The following ARHGEF10 variants were observed in gnomAD, a reference collection of about 807,000 sequenced individuals.
The protein encoded by ARHGEF10 is Rho guanine nucleotide exchange factor 10.
In ARHGEF10, 140 loss-of-function variants were observed where a neutral mutation model predicts 147.4. The observed-to-expected ratio is 0.95, with a 90% CI of 0.83 to 1.09. The LOEUF is 1.09. ARHGEF10 is among the 50% of genes least tolerant of loss of function. The probability of loss-of-function intolerance (pLI) is 0.00; values close to 1 mark genes in which losing one functional copy is unlikely to be tolerated. For missense variants in ARHGEF10, 2,222 were observed against 1,752.7 expected (o/e 1.27, Z -4.78); for synonymous variants, 902 against 695.8 (o/e 1.30, Z -4.67).
At chr8:1,844,465 T>TCCCTGGGGCCTGGTGGACGACAGA (rs1329433075) in intron 2 of ARHGEF10, among the ~76,000 whole-genome samples, 24 of 151,438 alleles carry the variant, frequency 1.6e-4, no homozygotes, top group Admixed American at 2.6e-4. Flanking sequence ...AATCCAGGGG[T>TCCCTGGGGCCTGGTGGACGACAGA]GAGCAGTGGC....
At chr8:1,860,661 G>A (rs903909041) in intron 4 of ARHGEF10, among the ~76,000 whole-genome samples, 3 of 152,202 alleles carry the variant, frequency 2.0e-5, no homozygotes, top group Non-Finnish European at 4.4e-5. Context: ...GTCTGGTGCC[G>A]AATGTGTTGC....
At chr8:1,857,078 T>C (rs529814161) in intron 2 of ARHGEF10, among the ~76,000 whole-genome samples, 1 of 152,332 alleles carries the variant, frequency 6.6e-6, no homozygotes, top group Admixed American at 6.5e-5. Context: ...TCCTGCAAAA[T>C]GTTTCTTATC....
chr8:1,915,532 A>T (rs1372409614), intron 18 of ARHGEF10, among the ~76,000 whole-genome samples: 1 of 152,234 alleles, frequency 6.6e-6, no homozygotes, highest in Admixed American at 6.5e-5. Context: ...AGATGGACGG[A>T]AAGTGGGAAA....
intron 26 of ARHGEF10, among the ~76,000 whole-genome samples, chr8:1,944,591 G>C (rs898017164): frequency 1.3e-5 from 2 of 152,236 alleles, no homozygotes; most frequent in African/African-American, 4.8e-5. Flanking sequence ...GGGACAACTC[G>C]TAGGGCCAAG....
intron 5 of ARHGEF10, among the ~76,000 whole-genome samples, chr8:1,866,104 C>T (rs1354594097): frequency 6.6e-6 from 1 of 152,206 alleles, no homozygotes; most frequent in Non-Finnish European, 1.5e-5. Context: ...GGCCTTGCAT[C>T]TCTTTCTCCC....
chr8:1,896,132 A>G (rs1809951969), intron 13 of ARHGEF10, among the ~76,000 whole-genome samples: 1 of 152,256 alleles, frequency 6.6e-6, no homozygotes, highest in South Asian at 2.1e-4. Context: ...GAGTCAAAAA[A>G]TAAGGTCAAA....
intron 1 of ARHGEF10, among the ~76,000 whole-genome samples, chr8:1,830,373 C>T (rs1283450632): frequency 6.6e-6 from 1 of 152,188 alleles, no homozygotes; most frequent in Non-Finnish European, 1.5e-5. Context: ...GGGGGCCGTG[C>T]AAACACCTGC....
intron 18 of ARHGEF10, among the ~76,000 whole-genome samples, chr8:1,918,492 G>GTA (rs1186637607): frequency 1.3e-5 from 2 of 151,570 alleles, no homozygotes. Flanking sequence ...GTGTGTGTGT[G>GTA]TGTGTGTGTG....
chr8:1,896,019 C>T (rs1238916830), intron 13 of ARHGEF10, among the ~76,000 whole-genome samples: 1 of 152,094 alleles, frequency 6.6e-6, no homozygotes, highest in African/African-American at 2.4e-5. Context: ...TGAGACTTGG[C>T]AGGAACTTAA....
intron 18 of ARHGEF10, among the ~76,000 whole-genome samples, chr8:1,916,266 T>C (rs577397985): frequency 6.6e-6 from 1 of 152,350 alleles, no homozygotes; most frequent in South Asian, 2.1e-4. Flanking sequence ...CGGGGTCCTA[T>C]CTCTGTGGGA....
chr8:1,879,821 G>C (rs1197742573), intron 8 of ARHGEF10, among the ~76,000 whole-genome samples: 1 of 152,092 alleles, frequency 6.6e-6, no homozygotes, highest in Non-Finnish European at 1.5e-5. Context: ...CTAAAGTGCT[G>C]GGATTACAGG....
rs1197644257 is a variant in ARHGEF10 at position 1,888,960 on chromosome 8, AG to A, written c.1182+3257del. 1.3e-3 allele frequency among the ~76,000 whole-genome samples: 101 copies of A among 76,692 alleles called. 1 individual carries two copies. Among genetic ancestry groups the A allele is most frequent in the East Asian group, 3.6e-3 (7 of 1,948 alleles). 50.3% of individuals were successfully genotyped at this position (76,692 alleles called of 152,430 possible). On this transcript the variant is annotated intron_variant, in intron 11 of 28. Coordinates refer to ENST00000349830, the MANE Select transcript of ARHGEF10 (RefSeq NM_014629.4). ...CTGTGACGAGACACTGAGTGGGGTGAGGGGTCTGCGAGGAGACACTGAGGTG... is the reference window on the plus strand; with the variant it reads ...CTGTGACGAGACACTGAGTGGGGTGAGGGTCTGCGAGGAGACACTGAGGTG...
intron 11 of ARHGEF10, 78 bp downstream of exon 11, chr8:1,885,785 G>A (rs937790346): frequency 8.6e-7 from 1 of 1,162,706 alleles, no homozygotes; most frequent in Non-Finnish European, 1.3e-6. Flanking sequence ...GTTTGATGCT[G>A]GTTGGTAAAT....
At position 1,909,414 on chromosome 8, in the gene ARHGEF10, G is replaced by C; in HGVS notation, c.2087G>C (p.Arg696Thr). Residue 696 changes from arginine to threonine, a missense_variant, in exon 18 of 29, where the codon AGG becomes ACG. Transcript: ENST00000349830. ...GSSAGTGEHS[R>T]HLAVHPPESL... ...AGCGCAGGCACGGGCGAGCACAGCA[G>C]GCACCTTGCCGTTCACCCGCCGGAG... The C allele has an allele frequency of 6.2e-7, 1 of 1,614,144 alleles. No homozygotes were observed.
At chr8:1,872,203 A>G (rs12155817) in intron 7 of ARHGEF10, among the ~76,000 whole-genome samples, 2 of 151,978 alleles carry the variant, frequency 1.3e-5, no homozygotes, top group Non-Finnish European at 2.9e-5. Context: ...ATTGCCTTGA[A>G]GAATCAACTA....
intron 10 of ARHGEF10, among the ~76,000 whole-genome samples, chr8:1,883,609 C>T (rs1043378255): frequency 3.3e-5 from 5 of 152,138 alleles, no homozygotes; most frequent in East Asian, 1.9e-4. Flanking sequence ...ATGAAGCCCT[C>T]GGCATCTCAG....
intron 5 of ARHGEF10, among the ~76,000 whole-genome samples, chr8:1,865,323 T>G (rs994040364): frequency 6.6e-6 from 1 of 151,094 alleles, no homozygotes; most frequent in Non-Finnish European, 1.5e-5. Context: ...CAGGGGGCCG[T>G]CACCAGGACA....
intron 9 of ARHGEF10, among the ~76,000 whole-genome samples, chr8:1,882,023 G>C (rs1585377721): frequency 2.0e-5 from 3 of 152,316 alleles, no homozygotes; most frequent in African/African-American, 7.2e-5. Flanking sequence ...GGCCGAGGAA[G>C]TGGAGGCAGG....
Position 1,843,498 on chromosome 8 carries a change from G to T in ARHGEF10, c.37+62G>T, listed in dbSNP as rs1173319281. On this transcript the variant is annotated intron_variant, in intron 2 of 28. Transcript: ENST00000349830. Reference sequence around the variant, plus strand: ...TGTGCTGCTGCTCTCATCAAGGACGGGGTACTTCTGGAACCACTGAATTGC... The same window carrying T: ...TGTGCTGCTGCTCTCATCAAGGACGTGGTACTTCTGGAACCACTGAATTGC... The T allele has an allele frequency of 7.3e-5, 92 of 1,263,758 alleles. No homozygotes were observed. In the South Asian group the frequency reaches 1.1e-3, roughly 15 times the overall value. 78.3% of individuals were successfully genotyped at this position (1,263,758 alleles called of 1,614,324 possible). A position where few individuals can be genotyped will look rare whatever the true frequency, so the allele number is the denominator to read the frequency against.
Sources: gnomAD v4.1 joint callset for allele counts (sites outside exome capture counted in the v4.1 genomes callset) on GRCh38, gnomAD v4.1.1 for gene constraint, MANE v1.5 for transcripts, NCBI Gene and HGNC (gene_info 2026-07-23, HGNC 2026-07-21) for gene names.